The following TULP4 variants were observed in gnomAD, a reference collection of about 807,000 sequenced individuals.
The protein encoded by TULP4 is TUB like protein 4.
In TULP4, 16 loss-of-function variants were observed where a neutral mutation model predicts 129.0. That is an observed-to-expected ratio of 0.12 (90% CI 0.08 to 0.19). The LOEUF (loss-of-function observed/expected upper bound fraction) is 0.19, where lower values mean the gene tolerates loss of function less well. TULP4 is among the 10% of genes least tolerant of loss of function. The pLI is 1.00. For missense variants in TULP4, 1,842 were observed against 2,059.1 expected, an observed-to-expected ratio of 0.89 and a Z score of 2.04; for synonymous variants, 998 against 854.0, an observed-to-expected ratio of 1.17 and a Z score of -2.94.
chr6:158,369,111 A>T (rs980644496), intron 1 of TULP4, among the ~76,000 whole-genome samples: 2 of 152,234 alleles, frequency 1.3e-5, no homozygotes, highest in African/African-American at 4.8e-5. Context: ...TTATAACTTC[A>T]AAAGAGCCTT....
At chr6:158,403,342 A>T (rs1348331440) in intron 1 of TULP4, among the ~76,000 whole-genome samples, 1 of 151,918 alleles carries the variant, frequency 6.6e-6, no homozygotes, top group South Asian at 2.1e-4. Context: ...GTCTCCAGGG[A>T]CACTTTTTCT....
intron 1 of TULP4, among the ~76,000 whole-genome samples, chr6:158,410,056 G>T (rs536196906): frequency 1.3e-5 from 2 of 152,172 alleles, no homozygotes; most frequent in African/African-American, 2.4e-5. Flanking sequence ...GGGTTTCACC[G>T]TGTTAGCCAG....
intron 1 of TULP4, among the ~76,000 whole-genome samples, chr6:158,298,564 G>A (rs955867764): frequency 1.3e-5 from 2 of 152,084 alleles, no homozygotes; most frequent in Admixed American, 1.3e-4. Context: ...TCTGGCACAT[G>A]GTATCCAGAT....
At chr6:158,406,635 T>C (rs978907291) in intron 1 of TULP4, among the ~76,000 whole-genome samples, 2 of 152,220 alleles carry the variant, frequency 1.3e-5, no homozygotes, top group African/African-American at 2.4e-5. Context: ...ACCGTAATTA[T>C]AATGTAGCTC....
At chr6:158,505,414 C>T (rs1780577992) in intron 13 of TULP4, among the ~76,000 whole-genome samples, 1 of 152,284 alleles carries the variant, frequency 6.6e-6, no homozygotes, top group Non-Finnish European at 1.5e-5. Flanking sequence ...CAGCCACGCT[C>T]ATTCACCTGA....
chr6:158,258,959 G>A (rs1040182792), intron 1 of TULP4, among the ~76,000 whole-genome samples: 1 of 152,238 alleles, frequency 6.6e-6, no homozygotes, highest in Non-Finnish European at 1.5e-5. Flanking sequence ...GCCAGGTATA[G>A]TGGCTCATGC....
chr6:158,481,013 C>T (rs1364053106), intron 7 of TULP4, 42 bp from the exon 8 acceptor site: 2 of 1,516,240 alleles, frequency 1.3e-6, no homozygotes, highest in Non-Finnish European at 1.8e-6. Context: ...CTCTCTGCCT[C>T]TCTGGAGTCC....
rs1780544236 is a variant in TULP4, at chr6:158,504,207, A to G, written c.4515+29A>G. On this transcript the variant is annotated intron_variant, in intron 13 of 13. Coordinates refer to ENST00000367097, the MANE Select transcript of TULP4 (RefSeq NM_020245.5). Reference sequence around the variant, plus strand: ...AGACCTCAGACCAGGTGGCGCTGCGAGCCCAGGAGGCGAGGGTTTCAGTGC... The same window carrying G: ...AGACCTCAGACCAGGTGGCGCTGCGGGCCCAGGAGGCGAGGGTTTCAGTGC... 3.3e-6 allele frequency: 5 copies of G among 1,499,904 alleles called. No individual in the cohort carries two copies. The African/African-American group carries it at 6.9e-5, about 21-fold the overall frequency. 92.9% of individuals were successfully genotyped at this position (1,499,904 alleles called of 1,614,324 possible). A position where few individuals can be genotyped will look rare whatever the true frequency, so the allele number is the denominator to read the frequency against.
chr6:158,325,898 C>T (rs1562520944), intron 1 of TULP4, among the ~76,000 whole-genome samples: 1 of 151,390 alleles, frequency 6.6e-6, no homozygotes, highest in Admixed American at 6.6e-5. Context: ...GTCTCCCCCC[C>T]TCCCCCCACC....
At chr6:158,234,394 A>G (rs1347665007) in intron 1 of TULP4, among the ~76,000 whole-genome samples, 3 of 152,208 alleles carry the variant, frequency 2.0e-5, no homozygotes, top group African/African-American at 7.2e-5. Context: ...CTCTCACTGG[A>G]TAGTTTATAG....
At chr6:158,479,027 C>T (rs1240665804) in intron 6 of TULP4, among the ~76,000 whole-genome samples, 4 of 152,224 alleles carry the variant, frequency 2.6e-5, no homozygotes, top group African/African-American at 7.2e-5. Context: ...GCTGTGACTC[C>T]ATCACCTCCT....
intron 1 of TULP4, among the ~76,000 whole-genome samples, chr6:158,241,346 G>A (rs1301831038): frequency 7.7e-6 from 1 of 130,492 alleles, no homozygotes; most frequent in African/African-American, 2.5e-5. Context: ...ACGGGGTGGC[G>A]GCCGGGCAGA....
intron 3 of TULP4, among the ~76,000 whole-genome samples, chr6:158,447,343 C>A (rs1472949080): frequency 6.6e-6 from 1 of 151,964 alleles, no homozygotes; most frequent in Non-Finnish European, 1.5e-5. Flanking sequence ...CATGGTGTTC[C>A]TAGTAGTTAT....
At chr6:158,498,233 A>C (rs1257134031) in intron 11 of TULP4, among the ~76,000 whole-genome samples, 1 of 152,214 alleles carries the variant, frequency 6.6e-6, no homozygotes, top group Non-Finnish European at 1.5e-5. Flanking sequence ...TTGCTTTCAC[A>C]CAGTTTCTTG....
chr6:158,256,938 T>A (rs898646589), intron 1 of TULP4, among the ~76,000 whole-genome samples: 2 of 152,128 alleles, frequency 1.3e-5, no homozygotes, highest in Admixed American at 1.3e-4. Flanking sequence ...TCCTGCCAAG[T>A]TGGCATAATG....
intron 2 of TULP4, among the ~76,000 whole-genome samples, chr6:158,426,091 C>T (rs1170153191): frequency 6.6e-6 from 1 of 152,034 alleles, no homozygotes; most frequent in African/African-American, 2.4e-5. Flanking sequence ...CTTGTAAATT[C>T]GTTTAAGTAT....
intron 3 of TULP4, among the ~76,000 whole-genome samples, chr6:158,446,780 C>T (rs1012525450): frequency 6.6e-6 from 1 of 152,190 alleles, no homozygotes; most frequent in South Asian, 2.1e-4. Flanking sequence ...TCCTGGCTTG[C>T]GTTCTCCCTG....
chr6:158,236,639 A>T (rs1456079229), intron 1 of TULP4, among the ~76,000 whole-genome samples: 1 of 152,068 alleles, frequency 6.6e-6, no homozygotes, highest in Non-Finnish European at 1.5e-5. Flanking sequence ...GAACAGAAAG[A>T]AGTGTCTTCA....
chr6:158,255,509 C>G (rs1373767893), intron 1 of TULP4, among the ~76,000 whole-genome samples: 2 of 152,084 alleles, frequency 1.3e-5, no homozygotes, highest in Non-Finnish European at 2.9e-5. Context: ...GGAGGTCTGT[C>G]CAGAGGTTCT....
Sources: allele counts gnomAD v4.1 joint callset (sites outside exome capture counted in the v4.1 genomes callset), GRCh38; gene constraint gnomAD v4.1.1; transcripts MANE v1.5; gene names NCBI Gene and HGNC (gene_info 2026-07-23, HGNC 2026-07-21).